The following SCAPER variants were observed in gnomAD, a reference collection of about 807,000 sequenced individuals.
SCAPER encodes S phase cyclin A-associated protein in the endoplasmic reticulum.
Under a neutral mutation model 182.2 loss-of-function variants are expected in SCAPER, and 98 were observed. The ratio of observed to expected loss-of-function variants is 0.54; its 90% CI spans 0.46 to 0.64. SCAPER has a LOEUF of 0.64. Among genes scored for constraint, SCAPER ranks in the 30% least tolerant of loss-of-function variants. SCAPER has a pLI of 0.00. For synonymous variants in SCAPER, 605 were observed against 564.6 expected (o/e 1.07, Z -1.01); for missense variants, 1,432 against 1,690.0 (o/e 0.85, Z 2.68).
chr15:76,367,785 T>C (rs2041906603), intron 29 of SCAPER, among the ~76,000 whole-genome samples: 1 of 152,224 alleles, frequency 6.6e-6, no homozygotes, highest in Non-Finnish European at 1.5e-5. Flanking sequence ...TAACTTTTAA[T>C]GCAATTGGCC....
At chr15:76,508,100 A>C (rs1213350429) in intron 23 of SCAPER, among the ~76,000 whole-genome samples, 1 of 152,088 alleles carries the variant, frequency 6.6e-6, no homozygotes, top group Admixed American at 6.6e-5. Flanking sequence ...CTTGTCCCAA[A>C]ATGTAAAGGT....
At chr15:76,601,075 C>G (rs539509762) in intron 22 of SCAPER, among the ~76,000 whole-genome samples, 1 of 121,664 alleles carries the variant, frequency 8.2e-6, no homozygotes, top group South Asian at 2.5e-4. Flanking sequence ...TGTGGATACA[C>G]AGAATAGAAA....
At chr15:76,894,102 A>G (rs557407756) in intron 1 of SCAPER, among the ~76,000 whole-genome samples, 2 of 152,156 alleles carry the variant, frequency 1.3e-5, no homozygotes, top group Non-Finnish European at 2.9e-5. Flanking sequence ...AATACAAAAA[A>G]TTAGCTGGGT....
intron 8 of SCAPER, among the ~76,000 whole-genome samples, chr15:76,790,978 A>G (rs2064968538): frequency 6.6e-6 from 1 of 152,170 alleles, no homozygotes; most frequent in Non-Finnish European, 1.5e-5. Context: ...TAATCTCACA[A>G]GTTGTTAAAT....
intron 25 of SCAPER, among the ~76,000 whole-genome samples, chr15:76,456,810 T>C (rs898656652): frequency 6.6e-6 from 1 of 152,248 alleles, no homozygotes. Context: ...ATGACTGTTA[T>C]ATCTTCCTGT....
chr15:76,662,850 C>G (rs2056301532), intron 21 of SCAPER, among the ~76,000 whole-genome samples: 1 of 151,848 alleles, frequency 6.6e-6, no homozygotes, highest in South Asian at 2.1e-4. Context: ...GCTAAAATTA[C>G]AAATGTTCTA....
chr15:76,710,997 T>A (rs1251283787), intron 17 of SCAPER, among the ~76,000 whole-genome samples: 1 of 152,066 alleles, frequency 6.6e-6, no homozygotes, highest in Non-Finnish European at 1.5e-5. Context: ...ACCTTTTCAA[T>A]AAACAATGTT....
chr15:76,641,468 T>A (rs947190109), intron 21 of SCAPER, among the ~76,000 whole-genome samples: 1 of 152,124 alleles, frequency 6.6e-6, no homozygotes, highest in Non-Finnish European at 1.5e-5. Flanking sequence ...CACAAGGCGA[T>A]GACCCCCTGG....
At chr15:76,380,674 C>G (rs977908367) in intron 28 of SCAPER, 3 of 151,970 alleles carry the variant, frequency 2.0e-5, no homozygotes, top group East Asian at 1.9e-4. Flanking sequence ...AAAGTCTATT[C>G]CTTGGGGCTT....
chr15:76,517,602 C>T (rs2042534658), intron 23 of SCAPER, among the ~76,000 whole-genome samples: 2 of 152,084 alleles, frequency 1.3e-5, no homozygotes, highest in East Asian at 1.9e-4. Context: ...CCACCCGCCT[C>T]GGCCTCCCAA....
chr15:76,519,551 G>C (rs1308479629), intron 23 of SCAPER, among the ~76,000 whole-genome samples: 1 of 152,212 alleles, frequency 6.6e-6, no homozygotes, highest in Non-Finnish European at 1.5e-5. Flanking sequence ...CTGTCCACTA[G>C]ACTATGAGCT....
At chr15:76,439,070 T>G (rs2047387498) in intron 25 of SCAPER, among the ~76,000 whole-genome samples, 4 of 152,008 alleles carry the variant, frequency 2.6e-5, no homozygotes, top group Admixed American at 2.6e-4. Flanking sequence ...GGGGCTCATC[T>G]TCAGTGAGAC....
intron 22 of SCAPER, among the ~76,000 whole-genome samples, chr15:76,587,885 A>T (rs1454083337): frequency 2.0e-5 from 3 of 150,064 alleles, no homozygotes; most frequent in Non-Finnish European, 1.5e-5. Context: ...GAAGTCCCCC[A>T]CTATTACTGT....
At chr15:76,840,293 G>A (rs145997224) in intron 5 of SCAPER, among the ~76,000 whole-genome samples, 100 of 151,822 alleles carry the variant, frequency 6.6e-4, no homozygotes, top group African/African-American at 2.2e-3. Flanking sequence ...GGTGGCATAC[G>A]CCTGTGGTCC....
intron 17 of SCAPER, among the ~76,000 whole-genome samples, chr15:76,722,304 C>G (rs936727714): frequency 9.9e-5 from 15 of 152,096 alleles, no homozygotes; most frequent in African/African-American, 2.2e-4. Flanking sequence ...ATAAGCTTTT[C>G]GATGTGTTGC....
intron 1 of SCAPER, among the ~76,000 whole-genome samples, chr15:76,903,540 A>G (rs1445416424): frequency 6.6e-6 from 1 of 152,202 alleles, no homozygotes; most frequent in African/African-American, 2.4e-5. Flanking sequence ...GGAGACAGCT[A>G]GAGGGTGCCA....
intron 2 of SCAPER, among the ~76,000 whole-genome samples, chr15:76,866,166 G>A (rs1020399442): frequency 1.3e-5 from 2 of 152,052 alleles, no homozygotes; most frequent in Admixed American, 6.6e-5. Flanking sequence ...TAAATAGATG[G>A]CCTACTTTTC....
At chr15:76,462,480 T>C (rs1251728711) in intron 25 of SCAPER, among the ~76,000 whole-genome samples, 2 of 152,196 alleles carry the variant, frequency 1.3e-5, no homozygotes, top group African/African-American at 4.8e-5. Flanking sequence ...TATGTGCTTA[T>C]AGAGAATATA....
intron 25 of SCAPER, among the ~76,000 whole-genome samples, chr15:76,454,570 C>T (rs1326534750): frequency 6.6e-6 from 1 of 152,008 alleles, no homozygotes; most frequent in Non-Finnish European, 1.5e-5. Context: ...TTTAGTTTTG[C>T]TTGCTTTCAC....
Sources: gnomAD v4.1 joint callset for allele counts (sites outside exome capture counted in the v4.1 genomes callset) on GRCh38, gnomAD v4.1.1 for gene constraint, MANE v1.5 for transcripts, NCBI Gene and HGNC (gene_info 2026-07-23, HGNC 2026-07-21) for gene names.